Variants in ITGA4 observed in about 807,000 individuals in gnomAD.
The protein encoded by ITGA4 is integrin alpha-4.
In ITGA4, 63 loss-of-function variants were observed where a neutral mutation model predicts 133.6. The observed-to-expected ratio is 0.47, with a 90% CI of 0.38 to 0.58. The LOEUF (loss-of-function observed/expected upper bound fraction) is 0.58, where lower values mean the gene tolerates loss of function less well. Among genes scored for constraint, ITGA4 ranks in the 20% least tolerant of loss-of-function variants. ITGA4 has a pLI of 0.00. For missense variants in ITGA4, 1,076 were observed against 1,252.7 expected (o/e 0.86, Z 2.13); for synonymous variants, 483 against 438.0 (o/e 1.10, Z -1.28).
rs79293502 is a variant in ITGA4 at position 181,466,593 on chromosome 2, A to G, written c.319+8276A>G. Among the ~76,000 whole-genome samples the G allele has an allele frequency of 5.3e-5, 8 of 152,050 alleles. No homozygotes were observed. In the East Asian group the frequency reaches 1.5e-3, roughly 29 times the overall value. ...ACCCAAGGATATTTTACTTTCCATC[A>G]CCCAAAATTATTTTTATTGTAGAAT... On this transcript the variant is annotated intron_variant, in intron 2 of 27. Transcript: ENST00000397033.
intron 2 of ITGA4, among the ~76,000 whole-genome samples, chr2:181,461,911 A>G (rs1685289988): frequency 6.6e-6 from 1 of 152,222 alleles, no homozygotes; most frequent in Non-Finnish European, 1.5e-5. Flanking sequence ...AATACTTAGT[A>G]TAAGAAAACT....
chr2:181,489,794 A>G (rs1393399481), intron 10 of ITGA4, among the ~76,000 whole-genome samples: 1 of 151,588 alleles, frequency 6.6e-6, no homozygotes, highest in Non-Finnish European at 1.5e-5. Context: ...CTCATCATCC[A>G]CCCCACACAA....
chr2:181,462,241 G>C (rs953487425), intron 2 of ITGA4, among the ~76,000 whole-genome samples: 1 of 152,022 alleles, frequency 6.6e-6, no homozygotes, highest in Non-Finnish European at 1.5e-5. Flanking sequence ...TAGTTACTGG[G>C]CCTTCAAGCT....
chr2:181,511,273 T>C (rs1411306075), intron 16 of ITGA4, among the ~76,000 whole-genome samples: 1 of 152,104 alleles, frequency 6.6e-6, no homozygotes, highest in African/African-American at 2.4e-5. Flanking sequence ...TGTAGCTAAT[T>C]TCAATGAATA....
At chr2:181,535,031 A>G (rs1169328249) in intron 27 of ITGA4, 96 bp downstream of exon 27, 2 of 1,352,572 alleles carry the variant, frequency 1.5e-6, no homozygotes, top group Non-Finnish European at 2.0e-6. Context: ...ATATTTCACT[A>G]TTTGAATGTT....
chr2:181,523,452 A>T lies in ITGA4; in HGVS notation c.2089A>T (p.Asn697Tyr). 1 of 1,606,626 alleles carries T rather than the reference A, an allele frequency of 6.2e-7. No homozygotes were observed. Among genetic ancestry groups the T allele is most frequent in the Non-Finnish European group, 8.5e-7 (1 of 1,173,380 alleles). The change falls in exon 19 of 28, where the codon AAC becomes TAC. Residue 697 changes from asparagine (N) to tyrosine (Y), a missense_variant. Coordinates refer to ENST00000397033, the MANE Select transcript of ITGA4 (RefSeq NM_000885.6). The surrounding 1 kb of genome is among the most constrained non-coding windows in gnomAD (Gnocchi z 4.2). ...TTCCCATTAGGAAGAGAAGCAAATA[A>T]ACTGTGAAGTCACAGATAACTCTGG... ...KILELEEKQI[N>Y]CEVTDNSGVV...
intron 25 of ITGA4, among the ~76,000 whole-genome samples, chr2:181,532,455 T>C (rs1342662676): frequency 6.6e-6 from 1 of 152,170 alleles, no homozygotes; most frequent in Non-Finnish European, 1.5e-5. Context: ...TAGTGCTCCT[T>C]GAAGAGGTCC....
At chr2:181,464,759 AG>A (rs1179430808) in intron 2 of ITGA4, among the ~76,000 whole-genome samples, 4 of 152,050 alleles carry the variant, frequency 2.6e-5, no homozygotes, top group African/African-American at 9.7e-5. Context: ...GACTCATATC[AG>A]GTAGTTCAGA....
At chr2:181,513,792 A>T (rs1686552964) in intron 17 of ITGA4, among the ~76,000 whole-genome samples, 1 of 152,112 alleles carries the variant, frequency 6.6e-6, no homozygotes, top group South Asian at 2.1e-4. Context: ...TACCTGATTA[A>T]CTTTTATTTA....
At chr2:181,505,601 A>G (rs1365303835) in intron 15 of ITGA4, among the ~76,000 whole-genome samples, 4 of 152,102 alleles carry the variant, frequency 2.6e-5, no homozygotes, top group Non-Finnish European at 5.9e-5. Context: ...ACTTCAAGAC[A>G]TTTTTGATAT....
At chr2:181,521,560 C>G (rs756397228) in intron 17 of ITGA4, among the ~76,000 whole-genome samples, 13 of 152,298 alleles carry the variant, frequency 8.5e-5, no homozygotes, top group Non-Finnish European at 1.6e-4. Flanking sequence ...TTACAGCAAT[C>G]TATACTTTGC....
chr2:181,495,330 C>T lies in ITGA4; in HGVS notation c.1340-41C>T. 6.7e-7 allele frequency: 1 copy of T among 1,486,748 alleles called. No individual in the cohort carries two copies. The highest frequency in any genetic ancestry group is 9.4e-7 in the Non-Finnish European group (1 of 1,064,636). The allele number at this position is 1,486,748 out of a possible 1,614,324, so 92.1% of individuals were successfully genotyped here. On this transcript the variant is annotated intron_variant, in intron 12 of 27. Transcript: ENST00000397033. This position sits in a 1 kb window ranked among gnomAD's most constrained non-coding sequence, Gnocchi z 4.3. ...ATGGCTGAAAAATAATTCTCTTTGA[C>T]TAATGATGATCATTAATCTGTGTTG... is the stretch of plus-strand genomic sequence containing the variant.
chr2:181,483,637 T>C (rs1225164148), intron 9 of ITGA4, among the ~76,000 whole-genome samples: 1 of 152,194 alleles, frequency 6.6e-6, no homozygotes, highest in African/African-American at 2.4e-5. Flanking sequence ...AGGGAAGTTA[T>C]TTATGCTTTG....
At chr2:181,515,677 G>A (rs1686590151) in intron 17 of ITGA4, among the ~76,000 whole-genome samples, 1 of 152,076 alleles carries the variant, frequency 6.6e-6, no homozygotes, top group South Asian at 2.1e-4. Context: ...ACTTTCAAAT[G>A]AGAGCCCTTC....
chr2:181,528,397 T>C (rs992605748), intron 22 of ITGA4, among the ~76,000 whole-genome samples: 2 of 152,228 alleles, frequency 1.3e-5, no homozygotes, highest in Admixed American at 6.5e-5. Context: ...TCTAGAATGT[T>C]TATTTATTAA....
In ITGA4 at chr2:181,495,825, T is replaced by C. The variant is rs779133322; in HGVS notation, c.1428T>C (p.Pro476=). ...VVIVDASLSH[P]ESVNRTKFDC... is the part of the protein sequence containing the mutation. ...TTGTTGACGCTTCTTTAAGCCACCC[T>C]GAGTCAGTAAATAGAACGAAATTTG... Residue 476 remains proline, a synonymous_variant, in exon 14 of 28, where the codon CCT becomes CCC. Coordinates refer to ENST00000397033, the MANE Select transcript of ITGA4 (RefSeq NM_000885.6). The surrounding 1 kb of genome is among the most constrained non-coding windows in gnomAD (Gnocchi z 4.3). 2 of 1,613,938 alleles carry C rather than the reference T, an allele frequency of 1.2e-6. No homozygotes were observed. Among genetic ancestry groups the C allele is most frequent in the Admixed American group, 3.3e-5 (2 of 60,012 alleles).
chr2:181,468,380 C>T (rs910568668), intron 2 of ITGA4, among the ~76,000 whole-genome samples: 1 of 152,182 alleles, frequency 6.6e-6, no homozygotes, highest in Non-Finnish European at 1.5e-5. Context: ...TGCAGTAGTA[C>T]ATTCTAGTAA....
chr2:181,524,132 G>T (rs773374011), intron 19 of ITGA4, 39 bp from the exon 20 acceptor site: 7 of 1,336,320 alleles, frequency 5.2e-6, no homozygotes, highest in African/African-American at 4.5e-5. Context: ...ATGTACTTAA[G>T]ATTTTTTTTA....
At chr2:181,520,834 G>GA (rs1440179482) in intron 17 of ITGA4, among the ~76,000 whole-genome samples, 1 of 152,080 alleles carries the variant, frequency 6.6e-6, no homozygotes, top group Non-Finnish European at 1.5e-5. Context: ...CTTAGTGCCT[G>GA]ATTTATTGTA....
Sources: allele counts gnomAD v4.1 joint callset (sites outside exome capture counted in the v4.1 genomes callset), GRCh38; gene constraint gnomAD v4.1.1; non-coding constraint Gnocchi (gnomAD v3.1); transcripts MANE v1.5; gene names NCBI Gene and HGNC (gene_info 2026-07-23, HGNC 2026-07-21).